Variants in ARFGEF1 observed in about 807,000 individuals in gnomAD.
ARFGEF1 encodes ARF guanine nucleotide exchange factor 1, also known as brefeldin A-inhibited guanine nucleotide-exchange protein 1.
Under a neutral mutation model 231.0 loss-of-function variants are expected in ARFGEF1, and 42 were observed. The ratio of observed to expected loss-of-function variants is 0.18; its 90% CI spans 0.14 to 0.24. The LOEUF (loss-of-function observed/expected upper bound fraction) is 0.24. ARFGEF1 is among the 10% of genes least tolerant of loss of function. The probability of loss-of-function intolerance (pLI) is 1.00; values close to 1 mark genes in which losing one functional copy is unlikely to be tolerated. For synonymous variants in ARFGEF1, 710 were observed against 732.3 expected, an observed-to-expected ratio of 0.97 and a Z score of 0.49; for missense variants, 1,345 against 2,192.0, an observed-to-expected ratio of 0.61 and a Z score of 7.72.
chr8:67,299,469 C>T (rs1486881020), intron 3 of ARFGEF1, 114 bp from the exon 4 acceptor site: 2 of 982,428 alleles, frequency 2.0e-6, no homozygotes, highest in East Asian at 3.1e-5. Context: ...AATTTTTACA[C>T]AAAAACATAA....
intron 5 of ARFGEF1, among the ~76,000 whole-genome samples, chr8:67,192,573 G>A (rs1836672230): frequency 6.6e-6 from 1 of 151,964 alleles, no homozygotes; most frequent in Non-Finnish European, 1.5e-5. Context: ...TCTTTCTTGG[G>A]CTTTTGGTGT....
At chr8:67,294,021 C>CG (rs1232537220) in intron 5 of ARFGEF1, among the ~76,000 whole-genome samples, 3 of 151,640 alleles carry the variant, frequency 2.0e-5, no homozygotes, top group East Asian at 1.9e-4. Flanking sequence ...ATACTGATGG[C>CG]GGGGGGAAAG....
chr8:67,275,640 T>C (rs543218469), intron 9 of ARFGEF1, among the ~76,000 whole-genome samples: 5 of 152,276 alleles, frequency 3.3e-5, no homozygotes, highest in African/African-American at 7.2e-5. Flanking sequence ...GTAATACTTA[T>C]TGAGCCCCTC....
chr8:67,296,385 A>G, intron 5 of ARFGEF1, 46 bp downstream of exon 5: 1 of 1,546,024 alleles, frequency 6.5e-7, no homozygotes, highest in Non-Finnish European at 8.8e-7. Context: ...TCTATGTTTA[A>G]TGCCTGTTGT....
intron 17 of ARFGEF1, among the ~76,000 whole-genome samples, chr8:67,253,932 C>T (rs1840374191): frequency 6.6e-6 from 1 of 152,074 alleles, no homozygotes; most frequent in Non-Finnish European, 1.5e-5. Flanking sequence ...TGCAGTCTCT[C>T]AAAAGGGCCA....
At chr8:67,179,849 CAT>C (rs754738493) in intron 5 of ARFGEF1, 14 of 1,563,880 alleles carry the variant, frequency 9.0e-6, no homozygotes, top group Non-Finnish European at 1.2e-5. Context: ...GTCATTGAAA[CAT>C]GTTTCTTTTA....
chr8:67,219,050 T>A (rs942188036), intron 30 of ARFGEF1, among the ~76,000 whole-genome samples: 3 of 152,082 alleles, frequency 2.0e-5, no homozygotes, highest in Non-Finnish European at 2.9e-5. Context: ...CACAGCAACC[T>A]CCACCTCCCG....
At chr8:67,197,618 T>C, downstream of ARFGEF1, 2 of 985,652 alleles carry the variant, frequency 2.0e-6, no homozygotes, top group Non-Finnish European at 2.4e-6. Context: ...TCAGCCTTAA[T>C]AGACCAGAAT....
At chr8:67,222,687 A>G (rs1839240064) in intron 29 of ARFGEF1, among the ~76,000 whole-genome samples, 1 of 151,818 alleles carries the variant, frequency 6.6e-6, no homozygotes, top group African/African-American at 2.4e-5. Context: ...CTGACCTCAG[A>G]TGATCCGCCC....
At chr8:67,219,286 A>T (rs2128866795) in intron 30 of ARFGEF1, 145 bp downstream of exon 30, 1 of 897,570 alleles carries the variant, frequency 1.1e-6, no homozygotes, top group Non-Finnish European at 1.6e-6. Flanking sequence ...ATTTATAAAG[A>T]CATAGTATTA....
chr8:67,310,166 T>TCCCTCCAC (rs1806932357), intron 1 of ARFGEF1, among the ~76,000 whole-genome samples: 2 of 151,930 alleles, frequency 1.3e-5, no homozygotes, highest in African/African-American at 2.4e-5. Flanking sequence ...GAGCCGAAGC[T>TCCCTCCAC]GGACTGTACT....
At chr8:67,286,986 T>C (rs961506435) in intron 7 of ARFGEF1, among the ~76,000 whole-genome samples, 1 of 152,180 alleles carries the variant, frequency 6.6e-6, no homozygotes, top group Non-Finnish European at 1.5e-5. Flanking sequence ...ACTCTACCAA[T>C]AGCACCACCA....
At chr8:67,202,367 C>T (rs1159854561) in intron 36 of ARFGEF1, among the ~76,000 whole-genome samples, 1 of 152,018 alleles carries the variant, frequency 6.6e-6, no homozygotes, top group Non-Finnish European at 1.5e-5. Flanking sequence ...TCAAGTGATC[C>T]TCCCACTTCA....
chr8:67,335,463 C>T lies in ARFGEF1; in HGVS notation c.124+7701G>A, dbSNP rs183383865. On this transcript the variant is annotated intron_variant, in intron 1 of 38. Coordinates refer to ENST00000262215, the MANE Select transcript of ARFGEF1 (RefSeq NM_006421.5). ...ACTTTTGAAAATGATTTGAAGGATT[C>T]GTTTATAAAAAATATCAAATTACCA... 6.6e-5 allele frequency among the ~76,000 whole-genome samples: 10 copies of T among 152,020 alleles called. No homozygotes were observed. In the East Asian group the frequency reaches 1.2e-3, roughly 18 times the overall value.
intron 1 of ARFGEF1, among the ~76,000 whole-genome samples, chr8:67,311,327 A>G (rs9693650): frequency 0.83 from 83,013 of 99,646 alleles, 34,488 homozygotes; most frequent in African/African-American, 0.95. Flanking sequence ...TGCCCCATCC[A>G]GGAGGTGAGG....
intron 1 of ARFGEF1, among the ~76,000 whole-genome samples, chr8:67,317,898 CAAAAA>C (rs951058819): frequency 3.6e-5 from 2 of 54,888 alleles, no homozygotes; most frequent in East Asian, 1.1e-3. Context: ...GACTCTGTCT[CAAAAA>C]AAAAAAAAAA....
chr8:67,224,994 G>A lies in ARFGEF1; in HGVS notation c.4117C>T (p.Pro1373Ser). ...EYTSDDMNVA[P>S]EDRVWVRGWF... ...CCTCTCACCCACACCCTGTCTTCAG[G>A]TGCTACGTTCATATCATCGCTTGTG... The change falls in exon 29 of 39, where the codon CCT (proline) becomes TCT (serine). Residue 1373 changes from proline to serine, a missense_variant. By Grantham distance (74) the Pro-to-Ser change is moderately conservative (BLOSUM62 -1). Transcript: ENST00000262215. The A allele has an allele frequency of 6.2e-7, 1 of 1,605,860 alleles. No homozygotes were observed. Among genetic ancestry groups the A allele is most frequent in the Non-Finnish European group, 8.5e-7 (1 of 1,176,216 alleles).
rs1587023221 is a variant in ARFGEF1, at chr8:67,201,501, T to C, written c.5233A>G (p.Ser1745Gly). 6.2e-7 allele frequency: 1 copy of C among 1,611,496 alleles called. No homozygotes were observed. The highest frequency in any genetic ancestry group is 8.5e-7 in the Non-Finnish European group (1 of 1,179,018). Residue 1745 changes from serine (S) to glycine (G), a missense_variant, in exon 37 of 39, where the codon AGT (serine) becomes GGT (glycine). By Grantham distance (56) the Ser-to-Gly change is moderately conservative. Around this residue, in one of 14 missense-constraint regions of ARFGEF1, gnomAD observed 161 missense variants for 284.9 expected, o/e 0.57. Coordinates refer to ENST00000262215, the MANE Select transcript of ARFGEF1 (RefSeq NM_006421.5). Reference sequence around the variant, plus strand: ...CTCTGCTGGACCTCCTCCCAGGCACTAACGCGGCTCTCATCCATGTACATC... The same window carrying C: ...CTCTGCTGGACCTCCTCCCAGGCACCAACGCGGCTCTCATCCATGTACATC... ...FRMYMDESRV[S>G]AWEEVQQRLL...
intron 22 of ARFGEF1, among the ~76,000 whole-genome samples, chr8:67,233,194 T>C (rs1839608899): frequency 6.6e-6 from 1 of 152,036 alleles, no homozygotes; most frequent in South Asian, 2.1e-4. Context: ...GTAGGGGCAC[T>C]GTGAATTTAT....
Sources: gnomAD v4.1 joint callset for allele counts (sites outside exome capture counted in the v4.1 genomes callset) on GRCh38, gnomAD v4.1.1 for gene constraint, gnomAD v4.1.1 regional missense constraint, MANE v1.5 for transcripts, NCBI Gene and HGNC (gene_info 2026-07-23, HGNC 2026-07-21) for gene names.